Variants in KHDRBS3 observed in about 807,000 individuals in gnomAD.
KHDRBS3 encodes the protein KH RNA binding domain containing, signal transduction associated 3, also known as KH domain-containing, RNA-binding, signal transduction-associated protein 3.
Under a neutral mutation model 45.6 loss-of-function variants are expected in KHDRBS3, and 23 were observed. The observed-to-expected ratio is 0.50, with a 90% confidence interval of 0.36 to 0.72. The LOEUF is 0.72. Ranked by LOEUF, KHDRBS3 falls within the 30% of genes least tolerant of loss-of-function variation. The pLI, the probability that KHDRBS3 is intolerant of heterozygous loss-of-function variation, is 0.00. For missense variants in KHDRBS3, 352 were observed against 424.8 expected (o/e 0.83, Z 1.51); for synonymous variants, 162 against 156.5 (o/e 1.04, Z -0.26).
intron 7 of KHDRBS3, among the ~76,000 whole-genome samples, chr8:135,638,954 T>G (rs1586845960): frequency 1.5e-5 from 2 of 129,428 alleles, no homozygotes; most frequent in African/African-American, 6.1e-5. Context: ...AGCGAGAGAG[T>G]GAGACTCCGT....
chr8:135,622,603 A>C (rs1316942945), intron 7 of KHDRBS3, among the ~76,000 whole-genome samples: 1 of 152,246 alleles, frequency 6.6e-6, no homozygotes, highest in Non-Finnish European at 1.5e-5. Context: ...TGAAATCTAA[A>C]TATCAAATGT....
intron 1 of KHDRBS3, among the ~76,000 whole-genome samples, chr8:135,486,165 G>C (rs1822853880): frequency 6.6e-6 from 1 of 152,104 alleles, no homozygotes; most frequent in Non-Finnish European, 1.5e-5. Flanking sequence ...GAGACAGGGG[G>C]TGATGAGGTG....
At chr8:135,522,151 C>T (rs1004949347) in intron 2 of KHDRBS3, among the ~76,000 whole-genome samples, 2 of 152,118 alleles carry the variant, frequency 1.3e-5, no homozygotes, top group African/African-American at 4.8e-5. Context: ...TCCCTGTGTC[C>T]GTGTGTTCTC....
intron 5 of KHDRBS3, among the ~76,000 whole-genome samples, chr8:135,573,696 T>C (rs1489951585): frequency 6.6e-6 from 1 of 150,574 alleles, no homozygotes; most frequent in Non-Finnish European, 1.5e-5. Context: ...AATAATTCAT[T>C]TCTGAGTGAC....
At chr8:135,639,930 G>C (rs1465062263) in intron 7 of KHDRBS3, among the ~76,000 whole-genome samples, 1 of 152,192 alleles carries the variant, frequency 6.6e-6, no homozygotes. Context: ...TTTGTAGGGG[G>C]ACAGACATCC....
At chr8:135,642,642 C>T (rs1831110424) in intron 7 of KHDRBS3, among the ~76,000 whole-genome samples, 1 of 152,106 alleles carries the variant, frequency 6.6e-6, no homozygotes, top group South Asian at 2.1e-4. Context: ...TTTCAGAGAG[C>T]TTATTTTATA....
At chr8:135,616,276 T>C (rs1377243297) in intron 7 of KHDRBS3, among the ~76,000 whole-genome samples, 2 of 152,328 alleles carry the variant, frequency 1.3e-5, no homozygotes, top group East Asian at 1.9e-4. Context: ...TACTGTTCTC[T>C]TTGAGATCAA....
chr8:135,578,154 T>G (rs1828033825), intron 5 of KHDRBS3, among the ~76,000 whole-genome samples: 2 of 152,208 alleles, frequency 1.3e-5, no homozygotes, highest in Non-Finnish European at 2.9e-5. Context: ...AGCTAACATG[T>G]TTCCCAAATA....
intron 7 of KHDRBS3, among the ~76,000 whole-genome samples, chr8:135,610,609 G>A (rs552242954): frequency 4.6e-5 from 7 of 151,906 alleles, no homozygotes; most frequent in South Asian, 2.1e-4. Context: ...TCTAATTATC[G>A]TGAGCGGTCT....
At chr8:135,575,211 A>G (rs1436821392) in intron 5 of KHDRBS3, among the ~76,000 whole-genome samples, 4 of 152,234 alleles carry the variant, frequency 2.6e-5, no homozygotes, top group Admixed American at 2.0e-4. Flanking sequence ...GACATATTAT[A>G]TTAGGATCAG....
At chr8:135,558,525 G>A (rs1827005785) in intron 5 of KHDRBS3, among the ~76,000 whole-genome samples, 1 of 152,150 alleles carries the variant, frequency 6.6e-6, no homozygotes, top group Non-Finnish European at 1.5e-5. Flanking sequence ...TTGCTGATTA[G>A]AGCAATGTCA....
intron 2 of KHDRBS3, among the ~76,000 whole-genome samples, chr8:135,529,050 A>G (rs191437800): frequency 5.1e-4 from 77 of 152,312 alleles, no homozygotes; most frequent in Non-Finnish European, 5.4e-4. Flanking sequence ...ACATTTAGTT[A>G]CTATGAGTCA....
chr8:135,597,665 A>C (rs774989021), intron 6 of KHDRBS3, among the ~76,000 whole-genome samples: 1 of 152,104 alleles, frequency 6.6e-6, no homozygotes, highest in African/African-American at 2.4e-5. Flanking sequence ...GTTGAATGCT[A>C]TGTCCCCGGT....
chr8:135,476,576 C>G (rs1227375466), intron 1 of KHDRBS3, among the ~76,000 whole-genome samples: 1 of 152,174 alleles, frequency 6.6e-6, no homozygotes, highest in Non-Finnish European at 1.5e-5. Context: ...TTGCTTTTCC[C>G]TCTGCCTTTT....
chr8:135,528,441 T>C (rs1825303392), intron 2 of KHDRBS3, among the ~76,000 whole-genome samples: 1 of 152,218 alleles, frequency 6.6e-6, no homozygotes, highest in African/African-American at 2.4e-5. Context: ...TTTACAGTCA[T>C]AGAGATATGT....
chr8:135,505,043 T>TA (rs1262231791), intron 1 of KHDRBS3, among the ~76,000 whole-genome samples: 1 of 152,100 alleles, frequency 6.6e-6, no homozygotes, highest in Non-Finnish European at 1.5e-5. Context: ...TGCAAAAAAA[T>TA]ATGCTGATGC....
intron 1 of KHDRBS3, among the ~76,000 whole-genome samples, chr8:135,460,408 G>A (rs1008145358): frequency 6.6e-6 from 1 of 152,272 alleles, no homozygotes; most frequent in African/African-American, 2.4e-5. Flanking sequence ...TTCCGGTAAG[G>A]CAGATGTTCA....
chr8:135,531,662 G>A (rs1400592451), intron 2 of KHDRBS3, among the ~76,000 whole-genome samples: 4 of 152,064 alleles, frequency 2.6e-5, no homozygotes, highest in African/African-American at 9.7e-5. Flanking sequence ...TAGAATTTAA[G>A]GACATGATGG....
chr8:135,495,999 A>C (rs188230702), intron 1 of KHDRBS3, among the ~76,000 whole-genome samples: 1 of 151,840 alleles, frequency 6.6e-6, no homozygotes, highest in Non-Finnish European at 1.5e-5. Context: ...TGTGCTACAG[A>C]GATATGTATT....
Sources: gnomAD v4.1 joint callset for allele counts (sites outside exome capture counted in the v4.1 genomes callset) on GRCh38, gnomAD v4.1.1 for gene constraint, MANE v1.5 for transcripts, NCBI Gene and HGNC (gene_info 2026-07-23, HGNC 2026-07-21) for gene names.